Variants in TANC1 observed in about 807,000 individuals in gnomAD.
TANC1 encodes the protein tetratricopeptide repeat, ankyrin repeat and coiled-coil containing 1, also known as protein TANC1.
TANC1 carries 77 observed loss-of-function variants against 149.7 expected under a neutral mutation model. The observed-to-expected ratio is 0.51, with a 90% CI of 0.43 to 0.62. The LOEUF is 0.62. TANC1 is among the 20% of genes least tolerant of loss of function. The probability of loss-of-function intolerance (pLI) is 0.00; values close to 1 mark genes in which losing one functional copy is unlikely to be tolerated. For missense variants in TANC1, 1,985 were observed against 2,321.8 expected (o/e 0.85, Z 2.98); for synonymous variants, 854 against 925.0 (o/e 0.92, Z 1.39).
At chr2:158,983,415 C>T (rs1214764955) in intron 1 of TANC1, among the ~76,000 whole-genome samples, 1 of 142,930 alleles carries the variant, frequency 7.0e-6, no homozygotes, top group African/African-American at 2.6e-5. Context: ...TGCAATGAGC[C>T]GAGATCGCGC....
At chr2:159,005,890 G>T (rs1482828093) in intron 2 of TANC1, among the ~76,000 whole-genome samples, 1 of 151,992 alleles carries the variant, frequency 6.6e-6, no homozygotes, top group African/African-American at 2.4e-5. Flanking sequence ...TTTAAGTAAA[G>T]GCCAAAAAAT....
In TANC1 at chr2:159,230,559, C is replaced by G. The variant is rs114821645; in HGVS notation, c.5133C>G (p.Ser1711Arg). The G allele has an allele frequency of 6.2e-7, 1 of 1,614,166 alleles. No individual in the cohort carries two copies. The highest frequency in any genetic ancestry group is 1.3e-5 in the African/African-American group (1 of 75,040). Residue 1711 changes from serine to arginine, a missense_variant, in exon 27 of 27, where the codon AGC (serine) becomes AGG (arginine). Around this residue, in one of 3 missense-constraint regions of TANC1, gnomAD observed 920 missense variants for 994.7 expected, o/e 0.92. Coordinates refer to ENST00000263635, the MANE Select transcript of TANC1 (RefSeq NM_033394.3). The surrounding 1 kb of genome is among the most constrained non-coding windows in gnomAD (Gnocchi z 4.4). Reference sequence around the variant, plus strand: ...ACAAGGTTGTAACCCACGTTCAGAGCGGTACAGCTGAGCACAGACCCCGCA... The same window carrying G: ...ACAAGGTTGTAACCCACGTTCAGAGGGGTACAGCTGAGCACAGACCCCGCA... ...IKDKVVTHVQ[S>R]GTAEHRPRNT...
chr2:159,107,194 AT>A (rs2047269651), intron 4 of TANC1, among the ~76,000 whole-genome samples: 1 of 151,450 alleles, frequency 6.6e-6, no homozygotes, highest in African/African-American at 2.4e-5. Flanking sequence ...TGCCCAGCTA[AT>A]TTTGTATTTT....
rs115819705 is a variant in TANC1 at position 159,030,501 on chromosome 2, A to G, written c.-16+29312A>G. ...AAGTTATTTCATAGTTGTAATTTCA[A>G]TAATCATGGATGTTAGCTTTGAAGT... On this transcript the variant is annotated intron_variant, in intron 2 of 26. Transcript: ENST00000263635. Among the ~76,000 whole-genome samples, 437 of 152,290 alleles carry G rather than the reference A, an allele frequency of 2.9e-3. 4 individuals are homozygous for G. The highest frequency in any genetic ancestry group is 9.8e-3 in the African/African-American group (409 of 41,572).
intron 8 of TANC1, among the ~76,000 whole-genome samples, chr2:159,167,064 A>C (rs186920772): frequency 6.6e-6 from 1 of 152,198 alleles, no homozygotes. Flanking sequence ...TTTTATGGTC[A>C]CATATTTTTA....
chr2:159,152,077 T>A (rs1031492977), intron 7 of TANC1, among the ~76,000 whole-genome samples: 7 of 152,232 alleles, frequency 4.6e-5, no homozygotes, highest in Non-Finnish European at 7.3e-5. Flanking sequence ...GAACATTTCA[T>A]ATAAATGGTG....
chr2:159,177,602 AC>A (rs1238701984), intron 13 of TANC1, among the ~76,000 whole-genome samples: 3 of 152,220 alleles, frequency 2.0e-5, no homozygotes, highest in Non-Finnish European at 4.4e-5. Flanking sequence ...CAGGAATCTT[AC>A]GTTCTTCTTC....
chr2:159,181,704 A>G (rs1459483569), intron 14 of TANC1, among the ~76,000 whole-genome samples: 1 of 151,978 alleles, frequency 6.6e-6, no homozygotes, highest in East Asian at 1.9e-4. Context: ...ATTCTTGTAT[A>G]TTTTTCTCTG....
At chr2:159,209,751 C>A (rs565362500) in intron 19 of TANC1, among the ~76,000 whole-genome samples, 1 of 152,090 alleles carries the variant, frequency 6.6e-6, no homozygotes, top group Non-Finnish European at 1.5e-5. Flanking sequence ...GTGTGTCAGG[C>A]ACACTCTTTC....
chr2:159,231,075 A>G lies in TANC1; in HGVS notation c.*63A>G, dbSNP rs946165630. The G allele has an allele frequency of 9.0e-6, 12 of 1,334,054 alleles. No homozygotes were observed. The highest frequency in any genetic ancestry group is 1.9e-4 in the Middle Eastern group (1 of 5,258). The allele number at this position is 1,334,054 out of a possible 1,614,324, so 82.6% of individuals were successfully genotyped here. A position where few individuals can be genotyped will look rare whatever the true frequency, so the allele number is the denominator to read the frequency against. On this transcript the variant is annotated 3_prime_UTR_variant, in exon 27 of 27. Transcript: ENST00000263635. ...GTGTTGACTCCTGGTGGTAAATTAAATAGTTTTTTTCATCAGAAAAATTAT... is the reference window on the plus strand; with the variant it reads ...GTGTTGACTCCTGGTGGTAAATTAAGTAGTTTTTTTCATCAGAAAAATTAT...
intron 15 of TANC1, 54 bp downstream of exon 15, chr2:159,185,953 T>C: frequency 7.1e-7 from 1 of 1,402,034 alleles, no homozygotes; most frequent in Non-Finnish European, 1.0e-6. Flanking sequence ...TTTGAGGTTT[T>C]GCTTTGGAGA....
intron 2 of TANC1, among the ~76,000 whole-genome samples, chr2:159,047,197 C>G (rs140276601): frequency 1.3e-5 from 2 of 150,954 alleles, no homozygotes; most frequent in Admixed American, 6.6e-5. Context: ...TTCCCCCCCC[C>G]AGTTATTGCC....
intron 10 of TANC1, among the ~76,000 whole-genome samples, chr2:159,171,633 G>T (rs564998170): frequency 6.6e-6 from 1 of 152,218 alleles, no homozygotes; most frequent in Non-Finnish European, 1.5e-5. Context: ...AAGATGGGCA[G>T]ATCACCTAAG....
At chr2:159,226,242 G>A (rs981644927) in intron 24 of TANC1, 4 of 176,796 alleles carry the variant, frequency 2.3e-5, no homozygotes, top group Non-Finnish European at 4.7e-5. Flanking sequence ...ATATCTTTCC[G>A]GCAGAATCTT....
intron 1 of TANC1, among the ~76,000 whole-genome samples, chr2:158,997,124 T>C (rs543781829): frequency 6.6e-6 from 1 of 152,192 alleles, no homozygotes; most frequent in Non-Finnish European, 1.5e-5. Flanking sequence ...GTTTTGACTA[T>C]AATCTATAAA....
chr2:159,207,341 T>C (rs945573452), intron 19 of TANC1, among the ~76,000 whole-genome samples: 3 of 152,190 alleles, frequency 2.0e-5, no homozygotes, highest in Non-Finnish European at 1.5e-5. Context: ...ACAACTCTCA[T>C]AGAAGGCTGT....
At chr2:159,099,870 CTT>C (rs1314812276) in intron 4 of TANC1, among the ~76,000 whole-genome samples, 1 of 152,306 alleles carries the variant, frequency 6.6e-6, no homozygotes, top group South Asian at 2.1e-4. Context: ...TCAATCAACT[CTT>C]TCCCTAACTG....
At chr2:158,988,358 G>A (rs934052650) in intron 1 of TANC1, among the ~76,000 whole-genome samples, 2 of 150,728 alleles carry the variant, frequency 1.3e-5, no homozygotes, top group Admixed American at 1.3e-4. Flanking sequence ...AAGTGTTTTC[G>A]TTTTGTTTTC....
intron 1 of TANC1, among the ~76,000 whole-genome samples, chr2:158,969,933 T>C (rs899644065): frequency 2.0e-5 from 3 of 150,170 alleles, no homozygotes; most frequent in African/African-American, 7.6e-5. Flanking sequence ...GAGGGAACTT[T>C]CATCTTGAAC....
Sources: allele counts gnomAD v4.1 joint callset (sites outside exome capture counted in the v4.1 genomes callset), GRCh38; gene constraint gnomAD v4.1.1; regional missense constraint gnomAD v4.1.1; non-coding constraint Gnocchi (gnomAD v3.1); transcripts MANE v1.5; gene names NCBI Gene and HGNC (gene_info 2026-07-23, HGNC 2026-07-21).